Variants in MACROD2 observed in about 807,000 individuals in gnomAD.
The protein encoded by MACROD2 is mono-ADP ribosylhydrolase 2, also known as ADP-ribose glycohydrolase MACROD2.
A neutral mutation model predicts 70.4 loss-of-function variants in MACROD2; 36 were observed. The ratio of observed to expected loss-of-function variants is 0.51; its 90% CI spans 0.39 to 0.68. The LOEUF is 0.68. MACROD2 is among the 30% of genes least tolerant of loss of function. MACROD2 has a pLI of 0.00. For missense variants in MACROD2, 496 were observed against 538.4 expected (o/e 0.92, Z 0.78); for synonymous variants, 172 against 178.8 (o/e 0.96, Z 0.30).
intron 4 of MACROD2, among the ~76,000 whole-genome samples, chr20:14,614,825 T>A (rs1238187882): frequency 6.6e-6 from 1 of 152,132 alleles, no homozygotes; most frequent in Non-Finnish European, 1.5e-5. Flanking sequence ...GCAATCCCTG[T>A]TCCAAAGAGT....
chr20:14,087,917 T>TAC (rs971727720), intron 3 of MACROD2, among the ~76,000 whole-genome samples: 12 of 152,184 alleles, frequency 7.9e-5, no homozygotes, highest in African/African-American at 2.9e-4. Flanking sequence ...GAGATATATA[T>TAC]ACACATATAA....
intron 4 of MACROD2, among the ~76,000 whole-genome samples, chr20:14,662,579 A>T (rs1238994015): frequency 6.6e-6 from 1 of 152,256 alleles, no homozygotes; most frequent in Non-Finnish European, 1.5e-5. Flanking sequence ...AAATGTTTGC[A>T]AACTATGCAT....
intron 5 of MACROD2, among the ~76,000 whole-genome samples, chr20:14,940,148 CAAAAAAAAAAA>C (rs57697517): frequency 7.3e-5 from 4 of 55,106 alleles, no homozygotes; most frequent in Admixed American, 2.7e-4. Flanking sequence ...CTCATCTCTG[CAAAAAAAAAAA>C]AAAAAAAAAA....
chr20:15,883,328 A>C (rs1489159083), intron 9 of MACROD2, among the ~76,000 whole-genome samples: 1 of 152,110 alleles, frequency 6.6e-6, no homozygotes, highest in Admixed American at 6.6e-5. Context: ...TGTTAAGTTC[A>C]GGGAAGAATC....
intron 3 of MACROD2, among the ~76,000 whole-genome samples, chr20:14,438,126 C>G (rs1011243505): frequency 6.6e-6 from 1 of 152,112 alleles, no homozygotes; most frequent in African/African-American, 2.4e-5. Context: ...ACCCTTTATT[C>G]CTTTTTTAAT....
chr20:15,913,076 AG>A (rs2065259971), intron 10 of MACROD2, among the ~76,000 whole-genome samples: 1 of 152,204 alleles, frequency 6.6e-6, no homozygotes. Context: ...AAAAATTAGA[AG>A]TCAAATGTAT....
chr20:15,106,610 C>G (rs1326646429), intron 5 of MACROD2, among the ~76,000 whole-genome samples: 5 of 152,192 alleles, frequency 3.3e-5, no homozygotes, highest in African/African-American at 9.6e-5. Flanking sequence ...CCACTTCTCC[C>G]TTAAGATCCT....
At chr20:15,307,209 A>G (rs895975678) in intron 6 of MACROD2, among the ~76,000 whole-genome samples, 3 of 152,146 alleles carry the variant, frequency 2.0e-5, no homozygotes, top group Admixed American at 2.0e-4. Flanking sequence ...CTTGAGAACA[A>G]ATTTATGCTT....
chr20:14,109,040 A>G (rs2054410767), intron 3 of MACROD2, among the ~76,000 whole-genome samples: 1 of 152,102 alleles, frequency 6.6e-6, no homozygotes, highest in Non-Finnish European at 1.5e-5. Context: ...TAAAACATTC[A>G]AAGAAGTTGA....
At chr20:14,756,810 T>A (rs1156746006) in intron 5 of MACROD2, among the ~76,000 whole-genome samples, 1 of 152,158 alleles carries the variant, frequency 6.6e-6, no homozygotes, top group Non-Finnish European at 1.5e-5. Flanking sequence ...ATCCCACGTG[T>A]CAACGGTGGG....
At chr20:14,972,305 CAT>C (rs11471321) in intron 5 of MACROD2, among the ~76,000 whole-genome samples, 3,157 of 152,262 alleles carry the variant, frequency 0.021, 198 homozygotes, top group East Asian at 0.15. Flanking sequence ...TGCATTAAAA[CAT>C]GTGGGCTGGG....
chr20:15,498,112 T>G (rs2047320907), intron 7 of MACROD2, among the ~76,000 whole-genome samples: 1 of 152,238 alleles, frequency 6.6e-6, no homozygotes, highest in Non-Finnish European at 1.5e-5. Context: ...GCACATTTTC[T>G]GTATAACAGT....
intron 5 of MACROD2, among the ~76,000 whole-genome samples, chr20:15,187,417 C>A (rs911249532): frequency 6.6e-6 from 1 of 152,098 alleles, no homozygotes; most frequent in Non-Finnish European, 1.5e-5. Flanking sequence ...GCTAATAGAT[C>A]TATTATGGAT....
intron 5 of MACROD2, among the ~76,000 whole-genome samples, chr20:15,019,952 T>G (rs2075151707): frequency 6.6e-6 from 1 of 152,140 alleles, no homozygotes; most frequent in Non-Finnish European, 1.5e-5. Flanking sequence ...AGAAGAAAAT[T>G]TATTCTAGTA....
chr20:14,663,519 TACACACACAC>T (rs10606501), intron 4 of MACROD2, among the ~76,000 whole-genome samples: 91 of 141,552 alleles, frequency 6.4e-4, no homozygotes, highest in South Asian at 2.3e-3. Context: ...CAGGGATGTA[TACACACACAC>T]ACACACACAC....
intron 5 of MACROD2, among the ~76,000 whole-genome samples, chr20:14,824,137 A>G (rs941671445): frequency 2.0e-5 from 3 of 152,122 alleles, no homozygotes; most frequent in African/African-American, 7.2e-5. Context: ...TTTATTCAGA[A>G]TATCTCTAAG....
intron 5 of MACROD2, among the ~76,000 whole-genome samples, chr20:15,205,745 T>A (rs778092979): frequency 2.3e-4 from 35 of 152,256 alleles, no homozygotes; most frequent in Non-Finnish European, 4.7e-4. Context: ...AACTTGTTAA[T>A]TTTTTGCTAT....
intron 3 of MACROD2, among the ~76,000 whole-genome samples, chr20:14,171,798 A>G (rs1406124097): frequency 6.6e-6 from 1 of 152,180 alleles, no homozygotes; most frequent in Non-Finnish European, 1.5e-5. Context: ...GATGAATAGA[A>G]TGTATATTCT....
intron 5 of MACROD2, among the ~76,000 whole-genome samples, chr20:14,908,108 C>G (rs570774995): frequency 6.6e-6 from 1 of 152,238 alleles, no homozygotes; most frequent in African/African-American, 2.4e-5. Flanking sequence ...CTTTGGGAGG[C>G]CGAGACAGGC....
Sources: allele counts gnomAD v4.1 joint callset (sites outside exome capture counted in the v4.1 genomes callset), GRCh38; gene constraint gnomAD v4.1.1; transcripts MANE v1.5; gene names NCBI Gene and HGNC (gene_info 2026-07-23, HGNC 2026-07-21).